ATP6V1C1: variants seen among roughly 807,000 people sequenced by gnomAD.
ATP6V1C1 encodes the protein V-type proton ATPase subunit C 1.
Under a neutral mutation model 53.9 loss-of-function variants are expected in ATP6V1C1, and 45 were observed. That is an observed-to-expected ratio of 0.83 (90% CI 0.66 to 1.07). The LOEUF (loss-of-function observed/expected upper bound fraction) is 1.07, where lower values mean the gene tolerates loss of function less well. Ranked by LOEUF, ATP6V1C1 falls within the 50% of genes least tolerant of loss-of-function variation. ATP6V1C1 has a pLI of 0.00. For synonymous variants in ATP6V1C1, 153 were observed against 155.2 expected (o/e 0.99, Z 0.11); for missense variants, 315 against 440.3 (o/e 0.72, Z 2.55).
rs1005214625 is a variant in ATP6V1C1, at chr8:103,058,608, A to G, written c.641+2672A>G. 4.6e-5 allele frequency among the ~76,000 whole-genome samples: 7 copies of G among 152,214 alleles called. No homozygotes were observed. The South Asian group carries it at 8.3e-4, about 18-fold the overall frequency. On this transcript the variant is annotated intron_variant, in intron 8 of 12. Coordinates refer to ENST00000518738, the MANE Select transcript of ATP6V1C1 (RefSeq NM_001695.5). ...GTTAATTAATTATAGGTAGTAACAC[A>G]TTACTTTTTGGTATGATAACTTGAG...
At chr8:103,050,755 G>A (rs995236879) in intron 4 of ATP6V1C1, among the ~76,000 whole-genome samples, 3 of 152,092 alleles carry the variant, frequency 2.0e-5, no homozygotes, top group African/African-American at 7.2e-5. Context: ...TAATCTTTAT[G>A]TCTCCTACAT....
At chr8:103,039,724 G>A (rs954268537) in intron 1 of ATP6V1C1, among the ~76,000 whole-genome samples, 7 of 152,118 alleles carry the variant, frequency 4.6e-5, no homozygotes, top group Admixed American at 4.6e-4. Context: ...CCTTCTGTGT[G>A]TGTGGGAAGG....
chr8:103,064,681 C>T (rs768599710), intron 10 of ATP6V1C1, 33 bp from the exon 11 acceptor site: 1 of 1,583,956 alleles, frequency 6.3e-7, no homozygotes, highest in Non-Finnish European at 8.6e-7. Flanking sequence ...ATTTCTAAGA[C>T]CAAATTTGTG....
chr8:103,053,097 G>GA (rs1390101190), intron 6 of ATP6V1C1, among the ~76,000 whole-genome samples: 2 of 151,864 alleles, frequency 1.3e-5, no homozygotes, highest in African/African-American at 2.4e-5. Context: ...ATATTTCACT[G>GA]AAAAATAGTC....
chr8:103,050,704 T>C (rs1234422716), intron 4 of ATP6V1C1, among the ~76,000 whole-genome samples: 1 of 145,000 alleles, frequency 6.9e-6, no homozygotes, highest in Non-Finnish European at 1.5e-5. Context: ...CATACTTTTA[T>C]GAAATTCTAC....
Position 103,066,088 on chromosome 8 carries a change from G to A in ATP6V1C1, c.927-233G>A, listed in dbSNP as rs73291933. On this transcript the variant is annotated intron_variant, in intron 11 of 12. Transcript: ENST00000518738. ...ATTGAAGTAATTCCTAGTAATTGGCGTAGAGATTTCTAGTGGACAGTGGGG... is the reference window on the plus strand; with the variant it reads ...ATTGAAGTAATTCCTAGTAATTGGCATAGAGATTTCTAGTGGACAGTGGGG... Among the ~76,000 whole-genome samples, 788 of 152,156 alleles carry A rather than the reference G, an allele frequency of 5.2e-3. 10 individuals are homozygous for A. The highest frequency in any genetic ancestry group is 0.027 in the Middle Eastern group (8 of 294).
At chr8:103,053,204 C>T (rs1284056906) in intron 6 of ATP6V1C1, among the ~76,000 whole-genome samples, 2 of 151,902 alleles carry the variant, frequency 1.3e-5, no homozygotes, top group African/African-American at 4.8e-5. Flanking sequence ...AATAGTTATT[C>T]TCTTATCTGT....
intron 4 of ATP6V1C1, among the ~76,000 whole-genome samples, 153 bp from the exon 5 acceptor site, chr8:103,050,897 C>G (rs530508936): frequency 6.6e-6 from 1 of 152,270 alleles, no homozygotes; most frequent in South Asian, 2.1e-4. Flanking sequence ...ATCCATGTTA[C>G]TTAATATAGT....
Position 103,068,138 on chromosome 8 carries a change from G to C in ATP6V1C1, c.1054-514G>C, listed in dbSNP as rs74642782. Among the ~76,000 whole-genome samples the C allele has an allele frequency of 3.4e-3, 521 of 152,222 alleles. 3 individuals carry two copies. Among genetic ancestry groups the C allele is most frequent in the African/African-American group, 0.012 (490 of 41,538 alleles). ...GGGACTATAGGCACGCAGTACCACT[G>C]CTGGTTAATGTTTTTATTTTTATTT... On this transcript the variant is annotated intron_variant, in intron 12 of 12. Coordinates refer to ENST00000518738, the MANE Select transcript of ATP6V1C1 (RefSeq NM_001695.5).
At chr8:103,043,712 T>A (rs1169021664) in intron 3 of ATP6V1C1, among the ~76,000 whole-genome samples, 4 of 152,208 alleles carry the variant, frequency 2.6e-5, no homozygotes, top group Non-Finnish European at 5.9e-5. Flanking sequence ...CATGTGTTTT[T>A]TTGCCATTTG....
At chr8:103,022,193 T>C (rs1816609340) in intron 1 of ATP6V1C1, among the ~76,000 whole-genome samples, 1 of 152,158 alleles carries the variant, frequency 6.6e-6, no homozygotes, top group South Asian at 2.1e-4. Context: ...AAAGAAAACT[T>C]GAGTCTTGGC....
chr8:103,053,244 G>A (rs1238544789), intron 6 of ATP6V1C1, among the ~76,000 whole-genome samples: 1 of 151,858 alleles, frequency 6.6e-6, no homozygotes, highest in African/African-American at 2.4e-5. Flanking sequence ...CACTTGTTAG[G>A]TTTTTTAAAA....
chr8:103,042,633 A>G (rs1212510916), intron 3 of ATP6V1C1, among the ~76,000 whole-genome samples: 1 of 152,238 alleles, frequency 6.6e-6, no homozygotes, highest in East Asian at 1.9e-4. Flanking sequence ...AATGGGATAT[A>G]GTTTACATGC....
At chr8:103,055,326 A>G (rs1377153889) in intron 7 of ATP6V1C1, among the ~76,000 whole-genome samples, 2 of 152,054 alleles carry the variant, frequency 1.3e-5, no homozygotes, top group African/African-American at 2.4e-5. Flanking sequence ...TTTGTTTTCA[A>G]TCTCAAACGT....
chr8:103,034,872 CAAG>C (rs1413760945), intron 1 of ATP6V1C1, among the ~76,000 whole-genome samples: 1 of 152,062 alleles, frequency 6.6e-6, no homozygotes, highest in Admixed American at 6.6e-5. Flanking sequence ...TGCCTGGCCT[CAAG>C]GAGAAATTTT....
chr8:103,061,382 C>T (rs926792225), intron 8 of ATP6V1C1, among the ~76,000 whole-genome samples: 12 of 152,290 alleles, frequency 7.9e-5, no homozygotes, highest in South Asian at 6.2e-4. Flanking sequence ...GTAATTGCCT[C>T]CTGAATTTAC....
At chr8:103,065,466 T>A (rs1437742144) in intron 11 of ATP6V1C1, among the ~76,000 whole-genome samples, 1 of 152,094 alleles carries the variant, frequency 6.6e-6, no homozygotes, top group African/African-American at 2.4e-5. Flanking sequence ...AGGCAGAGAA[T>A]CACTTGAACC....
At chr8:103,032,152 A>G (rs1816809133) in intron 1 of ATP6V1C1, among the ~76,000 whole-genome samples, 1 of 151,230 alleles carries the variant, frequency 6.6e-6, no homozygotes, top group African/African-American at 2.5e-5. Context: ...TTCACAAGGA[A>G]ATTGTGTCAA....
Position 103,055,857 on chromosome 8 carries a change from C to G in ATP6V1C1, c.573-11C>G. On this transcript the variant is annotated splice_polypyrimidine_tract_variant and intron_variant, in intron 7 of 12. Transcript: ENST00000518738. ...TTTTCTTTTCCAATGTGTATTGTAC[C>G]TTTTCTGCAGGTTAAACCACAACGA... 1 of 1,610,034 alleles carries G rather than the reference C, an allele frequency of 6.2e-7. No homozygotes were observed. The highest frequency in any genetic ancestry group is 1.1e-5 in the South Asian group (1 of 90,806).
Sources: allele counts gnomAD v4.1 joint callset (sites outside exome capture counted in the v4.1 genomes callset), GRCh38; gene constraint gnomAD v4.1.1; transcripts MANE v1.5; gene names NCBI Gene and HGNC (gene_info 2026-07-23, HGNC 2026-07-21).